The following CYP19A1 variants were observed in gnomAD, a reference collection of about 807,000 sequenced individuals.
The protein encoded by CYP19A1 is cytochrome P450 family 19 subfamily A member 1.
CYP19A1 carries 32 observed loss-of-function variants against 44.4 expected under a neutral mutation model. The observed-to-expected ratio is 0.72, with a 90% confidence interval of 0.54 to 0.97. The LOEUF is 0.97. Ranked by LOEUF, CYP19A1 falls within the 50% of genes least tolerant of loss-of-function variation. The pLI, the probability that CYP19A1 is intolerant of heterozygous loss-of-function variation, is 0.00. For synonymous variants in CYP19A1, 212 were observed against 215.6 expected, an observed-to-expected ratio of 0.98 and a Z score of 0.14; for missense variants, 598 against 637.8, an observed-to-expected ratio of 0.94 and a Z score of 0.67.
Position 51,242,980 on chromosome 15 carries a change from C to T in CYP19A1, c.-38-30G>A, listed in dbSNP as rs942972251. 8 of 1,115,444 alleles carry T rather than the reference C, an allele frequency of 7.2e-6. No homozygotes were observed. In the African/African-American group the frequency reaches 1.1e-4, roughly 15 times the overall value. 69.1% of individuals were successfully genotyped at this position (1,115,444 alleles called of 1,614,324 possible). A position where few individuals can be genotyped will look rare whatever the true frequency, so the allele number is the denominator to read the frequency against. On this transcript the variant is annotated intron_variant, in intron 1 of 9. Coordinates refer to ENST00000396402, the MANE Select transcript of CYP19A1 (RefSeq NM_000103.4). ...GGAAATCAAAGGGACAGAAAAATTACAGAATCCCCTAAAAGGTTCATCTAT... is the reference window on the plus strand; with the variant it reads ...GGAAATCAAAGGGACAGAAAAATTATAGAATCCCCTAAAAGGTTCATCTAT...
intron 1 of CYP19A1, among the ~76,000 whole-genome samples, chr15:51,295,056 A>G (rs2035961783): frequency 6.6e-6 from 1 of 150,970 alleles, no homozygotes. Flanking sequence ...TAATTGAGCT[A>G]CTTGTTCATT....
chr15:51,292,891 C>T (rs935098388), intron 1 of CYP19A1, among the ~76,000 whole-genome samples: 3 of 151,530 alleles, frequency 2.0e-5, no homozygotes, highest in African/African-American at 7.3e-5. Context: ...GGTCCCCAAA[C>T]ACCAGGTGCT....
chr15:51,237,003 C>T lies in CYP19A1; in HGVS notation c.152G>A (p.Gly51Asp), dbSNP rs2033439544. The T allele has an allele frequency of 6.2e-7, 1 of 1,613,992 alleles. No individual in the cohort carries two copies. The highest frequency in any genetic ancestry group is 8.5e-7 in the Non-Finnish European group (1 of 1,180,008). ...GAGGGGTCCAATTCCCATGCAGTAG[C>T]CAGGACCTAGGACAGGTGTCAGAGC... ...YEGTSSIPGP[G>D]YCMGIGPLIS... The change falls in exon 3 of 10, where the codon GGC becomes GAC. Residue 51 changes from glycine (G) to aspartate (D), a missense_variant. Coordinates refer to ENST00000396402, the MANE Select transcript of CYP19A1 (RefSeq NM_000103.4).
chr15:51,309,944 G>A (rs899401403), intron 1 of CYP19A1, among the ~76,000 whole-genome samples: 2 of 152,134 alleles, frequency 1.3e-5, no homozygotes, highest in Non-Finnish European at 2.9e-5. Flanking sequence ...CACCCACTAC[G>A]TCTTTGTTGA....
At chr15:51,329,786 A>G (rs2036671717) in intron 1 of CYP19A1, among the ~76,000 whole-genome samples, 1 of 152,232 alleles carries the variant, frequency 6.6e-6, no homozygotes, top group South Asian at 2.1e-4. Flanking sequence ...CCAGGTATGC[A>G]TGAGGTTCTG....
chr15:51,252,355 C>T (rs937459861), intron 1 of CYP19A1, among the ~76,000 whole-genome samples: 1 of 152,182 alleles, frequency 6.6e-6, no homozygotes, highest in African/African-American at 2.4e-5. Flanking sequence ...GGCCCAGTTC[C>T]TTTCTCAACC....
chr15:51,331,246 A>T (rs918591447), intron 1 of CYP19A1, among the ~76,000 whole-genome samples: 2 of 152,236 alleles, frequency 1.3e-5, no homozygotes, highest in African/African-American at 4.8e-5. Flanking sequence ...CCCACTCATC[A>T]CAGGCAGCAC....
chr15:51,288,887 G>T (rs60915417), intron 1 of CYP19A1, among the ~76,000 whole-genome samples: 1 of 152,140 alleles, frequency 6.6e-6, no homozygotes. Flanking sequence ...CAGCCCTGCC[G>T]TCTCCCAGCC....
intron 1 of CYP19A1, among the ~76,000 whole-genome samples, chr15:51,265,142 C>CT (rs946521006): frequency 4.6e-5 from 7 of 152,242 alleles, no homozygotes; most frequent in Non-Finnish European, 1.5e-5. Flanking sequence ...CCCAAGCACA[C>CT]TGCCCCGTTT....
chr15:51,241,637 C>T (rs1338705213), intron 2 of CYP19A1, among the ~76,000 whole-genome samples: 1 of 151,990 alleles, frequency 6.6e-6, no homozygotes. Context: ...AAGGGCCACA[C>T]TGGGGAACAG....
At chr15:51,211,146 A>T in intron 9 of CYP19A1, 90 bp from the exon 10 acceptor site, 2 of 872,918 alleles carry the variant, frequency 2.3e-6, no homozygotes, top group Non-Finnish European at 1.9e-6. Flanking sequence ...TGGGTCAGTC[A>T]GAACACTGTT....
chr15:51,241,920 A>G (rs1465292382), intron 2 of CYP19A1, among the ~76,000 whole-genome samples: 1 of 152,086 alleles, frequency 6.6e-6, no homozygotes, highest in Non-Finnish European at 1.5e-5. Flanking sequence ...CCAGTGTGTA[A>G]CTATGCTCTT....
At chr15:51,317,621 G>T (rs1049209138) in intron 1 of CYP19A1, among the ~76,000 whole-genome samples, 1 of 152,180 alleles carries the variant, frequency 6.6e-6, no homozygotes, top group African/African-American at 2.4e-5. Context: ...GTCTAGGGGT[G>T]AAAGAAAGGC....
intron 1 of CYP19A1, among the ~76,000 whole-genome samples, chr15:51,305,974 C>T (rs573238103): frequency 2.0e-5 from 3 of 152,248 alleles, no homozygotes; most frequent in African/African-American, 7.2e-5. Flanking sequence ...ATCTGGGGCG[C>T]TATGAGAAGC....
intron 4 of CYP19A1, among the ~76,000 whole-genome samples, chr15:51,224,953 T>C (rs1315960984): frequency 6.6e-6 from 1 of 152,226 alleles, no homozygotes; most frequent in Non-Finnish European, 1.5e-5. Context: ...ATTTGTCTTT[T>C]GTTTTCTTAA....
At chr15:51,258,543 G>A (rs1403057360) in intron 1 of CYP19A1, among the ~76,000 whole-genome samples, 1 of 152,192 alleles carries the variant, frequency 6.6e-6, no homozygotes, top group Non-Finnish European at 1.5e-5. Context: ...AGCCAATGCT[G>A]CACATTTATG....
intron 1 of CYP19A1, among the ~76,000 whole-genome samples, chr15:51,275,869 G>A (rs2035289557): frequency 6.6e-6 from 1 of 152,106 alleles, no homozygotes; most frequent in Non-Finnish European, 1.5e-5. Flanking sequence ...AACATAGATC[G>A]CCCCTACAGC....
rs2036092835 is a variant in CYP19A1 at position 51,300,620 on chromosome 15, C to T, written c.-39+37875G>A. On this transcript the variant is annotated intron_variant, in intron 1 of 9. Transcript: ENST00000396402. ...GCCTGGAGCTCCAGAACCCCCTGTGCCAGCAGCCTGAATGCAGCATGTGAG... is the reference window on the plus strand; with the variant it reads ...GCCTGGAGCTCCAGAACCCCCTGTGTCAGCAGCCTGAATGCAGCATGTGAG... Among the ~76,000 whole-genome samples, 7 of 152,176 alleles carry T rather than the reference C, an allele frequency of 4.6e-5. 2 individuals are homozygous for T. The South Asian group carries it at 1.4e-3, about 31-fold the overall frequency.
At chr15:51,237,111 T>C (rs2033450536) in intron 2 of CYP19A1, 102 bp from the exon 3 acceptor site, 5 of 1,277,944 alleles carry the variant, frequency 3.9e-6, no homozygotes, top group Middle Eastern at 1.9e-4. Context: ...AAGTGTTCTT[T>C]ACATGTGATG....
Sources: allele counts gnomAD v4.1 joint callset (sites outside exome capture counted in the v4.1 genomes callset), GRCh38; gene constraint gnomAD v4.1.1; transcripts MANE v1.5; gene names NCBI Gene and HGNC (gene_info 2026-07-23, HGNC 2026-07-21).